The following NEK1 variants were observed in gnomAD, a reference collection of about 807,000 sequenced individuals.
The protein encoded by NEK1 is NIMA related kinase 1, also known as serine/threonine-protein kinase Nek1.
In NEK1, 137 loss-of-function variants were observed where a neutral mutation model predicts 182.1. The ratio of observed to expected loss-of-function variants is 0.75; its 90% CI spans 0.65 to 0.87. NEK1 has a LOEUF of 0.87. NEK1 is among the 40% of genes least tolerant of loss of function. The pLI is 0.00. For missense variants in NEK1, 1,391 were observed against 1,494.4 expected (o/e 0.93, Z 1.14); for synonymous variants, 513 against 492.2 (o/e 1.04, Z -0.56).
intron 26 of NEK1, among the ~76,000 whole-genome samples, chr4:169,476,258 G>A (rs150811636): frequency 6.6e-6 from 1 of 151,888 alleles, no homozygotes; most frequent in Non-Finnish European, 1.5e-5. Flanking sequence ...CTGGATCATG[G>A]GGGCTCTTCC....
At chr4:169,397,816 C>G (rs183923758) in intron 35 of NEK1, among the ~76,000 whole-genome samples, 1 of 152,322 alleles carries the variant, frequency 6.6e-6, no homozygotes, top group African/African-American at 2.4e-5. Flanking sequence ...TTGATTGTTA[C>G]AGCTCTCCAC....
chr4:169,444,819 C>A (rs7671446), intron 27 of NEK1, among the ~76,000 whole-genome samples: 1 of 152,086 alleles, frequency 6.6e-6, no homozygotes, highest in Non-Finnish European at 1.5e-5. Context: ...TCAGCACATG[C>A]AACATTCTCC....
intron 31 of NEK1, among the ~76,000 whole-genome samples, chr4:169,421,846 T>G (rs1024355685): frequency 1.3e-5 from 2 of 152,202 alleles, no homozygotes; most frequent in Non-Finnish European, 2.9e-5. Flanking sequence ...ATAGTTCAAA[T>G]AGATTAAAAA....
At chr4:169,463,098 C>T in intron 27 of NEK1, 145 bp downstream of exon 27, 1 of 482,378 alleles carries the variant, frequency 2.1e-6, no homozygotes, top group Admixed American at 4.3e-5. Context: ...CTAGAAAACA[C>T]AATCATTCTC....
Position 169,507,052 on chromosome 4 carries a change from T to G in NEK1, c.1992A>C (p.Lys664Asn). ...TAAATCTTACATGCTCTTCCCACACTTTTTTTTCTCTCTCATAAGCCTCCT... is the reference window on the plus strand; with the variant it reads ...TAAATCTTACATGCTCTTCCCACACGTTTTTTTCTCTCTCATAAGCCTCCT... Reference protein sequence around the residue: ...KRKEAYEREKKVWEEHLVAKG... With the variant: ...KRKEAYEREKNVWEEHLVAKG... The change falls in exon 23 of 36, where the codon AAA becomes AAC. Residue 664 changes from lysine to asparagine, a missense_variant. Physicochemically the swap from Lys to Asn is moderately conservative, Grantham distance 94. This residue lies in a region of NEK1 where 1,216 missense variants were observed against 1,277.6 expected (regional missense o/e 0.95). Coordinates refer to ENST00000507142, the MANE Select transcript of NEK1 (RefSeq NM_001199397.3). The G allele has an allele frequency of 1.3e-6, 2 of 1,596,140 alleles. No homozygotes were observed. The highest frequency in any genetic ancestry group is 1.7e-6 in the Non-Finnish European group (2 of 1,169,382).
At chr4:169,584,468 T>C (rs1213288389) in intron 10 of NEK1, among the ~76,000 whole-genome samples, 1 of 151,812 alleles carries the variant, frequency 6.6e-6, no homozygotes, top group Non-Finnish European at 1.5e-5. Context: ...AAAAATTAAC[T>C]GGGCATGGTG....
At chr4:169,423,234 C>A (rs1030214771) in intron 31 of NEK1, among the ~76,000 whole-genome samples, 1 of 152,104 alleles carries the variant, frequency 6.6e-6, no homozygotes, top group African/African-American at 2.4e-5. Context: ...TCCCAAATAG[C>A]TGGGATTACA....
intron 4 of NEK1, among the ~76,000 whole-genome samples, chr4:169,601,174 A>G (rs1397780365): frequency 6.6e-6 from 1 of 152,206 alleles, no homozygotes; most frequent in Non-Finnish European, 1.5e-5. Flanking sequence ...ATAAAAGTAG[A>G]AGAGACTTAT....
chr4:169,512,785 G>A (rs1244139860), intron 19 of NEK1, among the ~76,000 whole-genome samples: 2 of 151,994 alleles, frequency 1.3e-5, no homozygotes, highest in Non-Finnish European at 2.9e-5. Flanking sequence ...TATGGTTTGA[G>A]GTTTAGGTCA....
intron 27 of NEK1, among the ~76,000 whole-genome samples, chr4:169,444,232 A>G (rs1338574951): frequency 6.6e-6 from 1 of 152,160 alleles, no homozygotes; most frequent in Non-Finnish European, 1.5e-5. Flanking sequence ...AAAACATCCA[A>G]AAACCAATTA....
Position 169,438,082 on chromosome 4 carries a change from C to A in NEK1, c.2764+1G>T. The A allele has an allele frequency of 6.2e-7, 1 of 1,607,280 alleles. No individual in the cohort carries two copies. The highest frequency in any genetic ancestry group is 8.5e-7 in the Non-Finnish European group (1 of 1,176,314). On this transcript the variant is annotated splice_donor_variant, in intron 28 of 35. Transcript: ENST00000507142. LOFTEE classifies it high-confidence loss of function. ...GCTCATTTTGACTCATTAGAACATACCTTCTAAATTTCCTTCCAGTTTCAA... is the reference window on the plus strand; with the variant it reads ...GCTCATTTTGACTCATTAGAACATAACTTCTAAATTTCCTTCCAGTTTCAA...
chr4:169,486,773 G>C (rs917314297), intron 23 of NEK1, among the ~76,000 whole-genome samples: 2 of 152,200 alleles, frequency 1.3e-5, no homozygotes, highest in Non-Finnish European at 2.9e-5. Context: ...TTACAGGCGT[G>C]CATGGAAAGT....
intron 13 of NEK1, 102 bp from the exon 14 acceptor site, chr4:169,561,993 T>A (rs1762986907): frequency 1.8e-5 from 6 of 330,990 alleles, no homozygotes; most frequent in Non-Finnish European, 2.5e-5. Context: ...TTCAATGAGG[T>A]TTTTTTTTTA....
chr4:169,460,369 C>T (rs1743738152), intron 27 of NEK1, among the ~76,000 whole-genome samples: 1 of 151,714 alleles, frequency 6.6e-6, no homozygotes, highest in Admixed American at 6.6e-5. Context: ...CAGAGAAACT[C>T]TCATTTTTTA....
intron 19 of NEK1, among the ~76,000 whole-genome samples, chr4:169,527,290 C>A (rs1401714163): frequency 2.0e-5 from 3 of 152,004 alleles, no homozygotes; most frequent in East Asian, 3.9e-4. Flanking sequence ...AGTCAGCAGA[C>A]CTGATCTCTA....
At chr4:169,417,402 C>G (rs1734728984) in intron 31 of NEK1, among the ~76,000 whole-genome samples, 2 of 152,120 alleles carry the variant, frequency 1.3e-5, no homozygotes, top group Non-Finnish European at 2.9e-5. Flanking sequence ...ATTTATAATA[C>G]TAAAAAAGAC....
chr4:169,482,368 T>C (rs1410178524), intron 23 of NEK1, among the ~76,000 whole-genome samples: 1 of 151,634 alleles, frequency 6.6e-6, no homozygotes, highest in Non-Finnish European at 1.5e-5. Context: ...AATAGCTCAC[T>C]GCAACCTTGA....
intron 27 of NEK1, among the ~76,000 whole-genome samples, chr4:169,440,725 G>T (rs1009487951): frequency 2.0e-5 from 3 of 152,202 alleles, no homozygotes; most frequent in Non-Finnish European, 4.4e-5. Flanking sequence ...TGGTAAGAGA[G>T]ATCCCCAGTG....
At chr4:169,514,360 T>C (rs1239223628) in intron 19 of NEK1, among the ~76,000 whole-genome samples, 1 of 152,150 alleles carries the variant, frequency 6.6e-6, no homozygotes, top group Non-Finnish European at 1.5e-5. Flanking sequence ...TTGGTTATGG[T>C]ATTAGGGTAA....
Sources: gnomAD v4.1 joint callset for allele counts (sites outside exome capture counted in the v4.1 genomes callset) on GRCh38, gnomAD v4.1.1 for gene constraint, gnomAD v4.1.1 regional missense constraint, MANE v1.5 for transcripts, NCBI Gene and HGNC (gene_info 2026-07-23, HGNC 2026-07-21) for gene names.